LARP1: variants seen among roughly 807,000 people sequenced by gnomAD.
The protein encoded by LARP1 is la-related protein 1.
A neutral mutation model predicts 122.7 loss-of-function variants in LARP1; 36 were observed. That is an observed-to-expected ratio of 0.29 (90% CI 0.22 to 0.39). The LOEUF (loss-of-function observed/expected upper bound fraction) is 0.39, where lower values mean the gene tolerates loss of function less well. LARP1 is among the 10% of genes least tolerant of loss of function. The probability of loss-of-function intolerance (pLI) is 1.00; values close to 1 mark genes in which losing one functional copy is unlikely to be tolerated. For missense variants in LARP1, 1,040 were observed against 1,403.6 expected, an observed-to-expected ratio of 0.74 and a Z score of 4.14; for synonymous variants, 539 against 528.7, an observed-to-expected ratio of 1.02 and a Z score of -0.27.
At position 154,743,612 on chromosome 5, in the gene LARP1, AGTTTGTTT is replaced by A. The variant is rs372268029; in HGVS notation, c.205+30499_205+30506del. ...GAGTGAGCCACTGCTTCTGGCCTAT[AGTTTGTTT>A]GTTTGTTTGTTTGTTTAGAGACAGA... On this transcript the variant is annotated intron_variant, in intron 1 of 18. Coordinates refer to the LARP1 transcript ENST00000336314. 3.4e-3 allele frequency among the ~76,000 whole-genome samples: 459 copies of A among 136,078 alleles called. 3 individuals carry two copies. The highest frequency in any genetic ancestry group is 0.012 in the African/African-American group (426 of 35,900). The allele number at this position is 136,078 out of a possible 152,430, so 89.3% of individuals were successfully genotyped here.
intron 1 of LARP1, among the ~76,000 whole-genome samples, chr5:154,787,486 TC>T (rs1756982973): frequency 6.6e-6 from 1 of 152,202 alleles, no homozygotes; most frequent in African/African-American, 2.4e-5. Flanking sequence ...ATAATTGAAT[TC>T]ATCAGAAAGC....
At chr5:154,786,048 A>C (rs1454743412) in intron 1 of LARP1, among the ~76,000 whole-genome samples, 1 of 151,262 alleles carries the variant, frequency 6.6e-6, no homozygotes, top group Non-Finnish European at 1.5e-5. Flanking sequence ...GGTATGCTTC[A>C]CTTTTTTTTT....
intron 1 of LARP1, among the ~76,000 whole-genome samples, chr5:154,788,580 A>G (rs1213933558): frequency 6.6e-6 from 1 of 152,138 alleles, no homozygotes; most frequent in Non-Finnish European, 1.5e-5. Context: ...CCAACAGTAC[A>G]GGCAAAGTGA....
At chr5:154,745,944 C>G (rs779829385) in intron 1 of LARP1, among the ~76,000 whole-genome samples, 2 of 152,086 alleles carry the variant, frequency 1.3e-5, no homozygotes, top group African/African-American at 4.8e-5. Flanking sequence ...TACAGGTACG[C>G]GCCACCACGC....
chr5:154,792,876 G>A (rs1757451702), intron 4 of LARP1, 80 bp downstream of exon 4: 3 of 1,423,154 alleles, frequency 2.1e-6, no homozygotes, highest in South Asian at 1.3e-5. Context: ...GACTGCTGGA[G>A]GAGCTTTAGG....
intron 1 of LARP1, among the ~76,000 whole-genome samples, chr5:154,744,872 C>T (rs1184420064): frequency 5.7e-5 from 7 of 122,396 alleles, no homozygotes; most frequent in Non-Finnish European, 1.0e-4. Flanking sequence ...CTCCTGACCT[C>T]GTGATCCGCC....
At chr5:154,765,179 C>T (rs1410919192) in intron 1 of LARP1, among the ~76,000 whole-genome samples, 4 of 152,146 alleles carry the variant, frequency 2.6e-5, no homozygotes, top group Non-Finnish European at 4.4e-5. Context: ...CTTGCCCCTT[C>T]TTCACTCATT....
At position 154,797,221 on chromosome 5, in the gene LARP1, G is replaced by GTTTTTTTTTTT. The variant is rs1158010359; in HGVS notation, c.1377+1921_1377+1931dup. Among the ~76,000 whole-genome samples the GTTTTTTTTTTT allele has an allele frequency of 3.0e-4, 9 of 29,778 alleles. 2 individuals carry two copies. Among genetic ancestry groups the GTTTTTTTTTTT allele is most frequent in the African/African-American group, 4.2e-4 (4 of 9,546 alleles). The allele number at this position is 29,778 out of a possible 152,430, so 19.5% of individuals were successfully genotyped here. ...GGAGTTATTCTGTTTTGTTGTTGTT[G>GTTTTTTTTTTT]TTTTTTTTTTTTTTTTTTTTTTTTT... is the stretch of plus-strand genomic sequence containing the variant. On this transcript the variant is annotated intron_variant, in intron 8 of 18. Coordinates refer to ENST00000518297, the MANE Select transcript of LARP1 (RefSeq NM_033551.3).
At chr5:154,770,792 A>G (rs749771787) in intron 1 of LARP1, among the ~76,000 whole-genome samples, 4 of 152,128 alleles carry the variant, frequency 2.6e-5, no homozygotes, top group Non-Finnish European at 5.9e-5. Flanking sequence ...CCTGGCTAGA[A>G]CTTCATTTCT....
chr5:154,715,278 T>A (rs2113312169), intron 1 of LARP1, among the ~76,000 whole-genome samples: 1 of 147,172 alleles, frequency 6.8e-6, no homozygotes, highest in African/African-American at 2.5e-5. Flanking sequence ...TTTTTTTTTT[T>A]TTTTTTTGAG....
At chr5:154,805,053 T>G (rs1938504454) in intron 14 of LARP1, 1 of 378,090 alleles carries the variant, frequency 2.6e-6, no homozygotes, top group African/African-American at 2.1e-5. Flanking sequence ...TTGCATATTA[T>G]ATGTATTACA....
At chr5:154,739,692 C>G (rs903419017) in intron 1 of LARP1, among the ~76,000 whole-genome samples, 32 of 152,120 alleles carry the variant, frequency 2.1e-4, no homozygotes, top group African/African-American at 7.0e-4. Context: ...AGCCACCATA[C>G]CCAGCTACGT....
chr5:154,689,997 C>T (rs1178624128), intron 1 of LARP1, among the ~76,000 whole-genome samples: 1 of 152,046 alleles, frequency 6.6e-6, no homozygotes, highest in African/African-American at 2.4e-5. Flanking sequence ...GCAGAGATCG[C>T]GCCGTTGCAC....
chr5:154,756,445 A>T, intron 1 of LARP1: 1 of 991,766 alleles, frequency 1.0e-6, no homozygotes. Context: ...GTTAGTGGGC[A>T]ACGGTGTGGT....
chr5:154,778,919 G>A (rs1756151519), intron 1 of LARP1, among the ~76,000 whole-genome samples: 1 of 152,116 alleles, frequency 6.6e-6, no homozygotes, highest in South Asian at 2.1e-4. Flanking sequence ...TCCCAGTATT[G>A]CATGGGACAT....
chr5:154,710,208 T>C (rs1431024885), upstream of LARP1, among the ~76,000 whole-genome samples: 1 of 152,016 alleles, frequency 6.6e-6, no homozygotes, highest in African/African-American at 2.4e-5. Context: ...GGCCTGCGAG[T>C]TGGGGACCTC....
At chr5:154,692,269 AGT>A (rs1754258405) in intron 1 of LARP1, among the ~76,000 whole-genome samples, 1 of 152,212 alleles carries the variant, frequency 6.6e-6, no homozygotes, top group Non-Finnish European at 1.5e-5. Context: ...GAGGTTCAGG[AGT>A]CTACCAGTTC....
chr5:154,737,496 C>T (rs971827652), intron 1 of LARP1, among the ~76,000 whole-genome samples: 2 of 129,410 alleles, frequency 1.5e-5, no homozygotes, highest in African/African-American at 6.2e-5. Flanking sequence ...GGCTGGAGTG[C>T]AGCGGTGAGA....
intron 7 of LARP1, among the ~76,000 whole-genome samples, chr5:154,794,945 A>G (rs1298781848): frequency 6.6e-6 from 1 of 152,222 alleles, no homozygotes; most frequent in Admixed American, 6.5e-5. Flanking sequence ...TTTGACAGGC[A>G]TGTCGAGGGG....
Sources: gnomAD v4.1 joint callset for allele counts (sites outside exome capture counted in the v4.1 genomes callset) on GRCh38, gnomAD v4.1.1 for gene constraint, MANE v1.5 for transcripts, NCBI Gene and HGNC (gene_info 2026-07-23, HGNC 2026-07-21) for gene names.